The following TRABD2B variants were observed in gnomAD, a reference collection of about 807,000 sequenced individuals.
The protein encoded by TRABD2B is TraB domain containing 2B.
A neutral mutation model predicts 40.1 loss-of-function variants in TRABD2B; 14 were observed. The ratio of observed to expected loss-of-function variants is 0.35; its 90% CI spans 0.23 to 0.55. The LOEUF is 0.55. Ranked by LOEUF, TRABD2B falls within the 20% of genes least tolerant of loss-of-function variation. The probability of loss-of-function intolerance (pLI) is 0.90; values close to 1 mark genes in which losing one functional copy is unlikely to be tolerated. For synonymous variants in TRABD2B, 263 were observed against 277.0 expected (o/e 0.95, Z 0.50); for missense variants, 541 against 648.6 (o/e 0.83, Z 1.80).
At chr1:47,972,784 G>A (rs1222405017) in intron 2 of TRABD2B, among the ~76,000 whole-genome samples, 3 of 151,980 alleles carry the variant, frequency 2.0e-5, no homozygotes, top group Non-Finnish European at 2.9e-5. Flanking sequence ...CCTTTCTCTC[G>A]CTAATTCTCT....
In TRABD2B at chr1:47,813,697, C is replaced by A. The variant is rs1389054475; in HGVS notation, c.667-12078G>T. Among the ~76,000 whole-genome samples, 1 of 152,218 alleles carries A rather than the reference C, an allele frequency of 6.6e-6. No individual in the cohort carries two copies. Among genetic ancestry groups the A allele is most frequent in the Non-Finnish European group, 1.5e-5 (1 of 68,042 alleles). ...TGCCCTTCCTTAGGACACATACCCACACCCACACACACACTTTAAGAAATT... is the reference window on the plus strand; with the variant it reads ...TGCCCTTCCTTAGGACACATACCCAAACCCACACACACACTTTAAGAAATT... On this transcript the variant is annotated intron_variant, in intron 2 of 6. Coordinates refer to ENST00000606738, the MANE Select transcript of TRABD2B (RefSeq NM_001194986.2). This position sits in a 1 kb window ranked among gnomAD's most constrained non-coding sequence, Gnocchi z 4.3.
intron 2 of TRABD2B, among the ~76,000 whole-genome samples, chr1:47,855,945 G>A (rs1643885454): frequency 1.3e-5 from 2 of 152,236 alleles, no homozygotes; most frequent in African/African-American, 4.8e-5. Context: ...GTGATATTAT[G>A]TTATAGCAGC....
chr1:47,858,204 CTTTATTTTAT>C (rs201856478), intron 2 of TRABD2B, among the ~76,000 whole-genome samples: 18,066 of 134,824 alleles, frequency 0.13, 1,333 homozygotes, highest in South Asian at 0.2. Flanking sequence ...CTTTATTTTA[CTTTATTTTAT>C]TTTATTTTAT....
chr1:47,804,364 C>A, intron 2 of TRABD2B, among the ~76,000 whole-genome samples: 1 of 152,262 alleles, frequency 6.6e-6, no homozygotes, highest in East Asian at 1.9e-4. Context: ...TCCTCCCACA[C>A]GGCACATGCC....
chr1:47,925,775 T>G (rs1644961130), intron 2 of TRABD2B, among the ~76,000 whole-genome samples: 1 of 152,258 alleles, frequency 6.6e-6, no homozygotes, highest in Admixed American at 6.5e-5. Context: ...ATTATTTTGT[T>G]GAATTCTTAC....
intron 4 of TRABD2B, among the ~76,000 whole-genome samples, chr1:47,788,806 A>C (rs1032929425): frequency 7.2e-5 from 11 of 152,218 alleles, no homozygotes; most frequent in South Asian, 2.1e-4. Context: ...ACTGGTTCTC[A>C]GAGTTTGAAA....
intron 2 of TRABD2B, among the ~76,000 whole-genome samples, chr1:47,836,294 C>T (rs1325892961): frequency 2.6e-5 from 4 of 152,150 alleles, no homozygotes; most frequent in Admixed American, 6.5e-5. Flanking sequence ...ACCTATATCC[C>T]TAATAAGGTA....
intron 4 of TRABD2B, among the ~76,000 whole-genome samples, chr1:47,784,630 G>A (rs1395584013): frequency 6.6e-6 from 1 of 152,246 alleles, no homozygotes; most frequent in Non-Finnish European, 1.5e-5. Context: ...TGCCAGGACA[G>A]GCCGGCCGGA....
intron 4 of TRABD2B, among the ~76,000 whole-genome samples, chr1:47,784,156 C>T (rs761369622): frequency 3.9e-5 from 6 of 152,146 alleles, no homozygotes; most frequent in African/African-American, 7.2e-5. Flanking sequence ...AGTGAGGGGA[C>T]GTGACTCGCC....
intron 2 of TRABD2B, among the ~76,000 whole-genome samples, chr1:47,878,877 G>A (rs1180284849): frequency 6.6e-6 from 1 of 152,112 alleles, no homozygotes; most frequent in African/African-American, 2.4e-5. Flanking sequence ...TAGGAGAATT[G>A]CTTGAGTTCA....
At chr1:47,856,994 T>C (rs1399626440) in intron 2 of TRABD2B, among the ~76,000 whole-genome samples, 1 of 151,702 alleles carries the variant, frequency 6.6e-6, no homozygotes, top group Non-Finnish European at 1.5e-5. Flanking sequence ...GAATAGGAGG[T>C]TTTTTGACAG....
chr1:47,842,394 G>T (rs1236777148), intron 2 of TRABD2B, among the ~76,000 whole-genome samples: 2 of 152,052 alleles, frequency 1.3e-5, no homozygotes, highest in East Asian at 3.9e-4. Context: ...CTGTCCCCAG[G>T]CTCCCTCCTT....
At chr1:47,809,984 T>C (rs1644941161) in intron 2 of TRABD2B, among the ~76,000 whole-genome samples, 1 of 151,990 alleles carries the variant, frequency 6.6e-6, no homozygotes, top group African/African-American at 2.4e-5. Flanking sequence ...GCCCTGGAGG[T>C]ATAGGAGTGA....
rs1187991149 is a variant in TRABD2B at position 47,778,181 on chromosome 1, C to T, written c.1079+273G>A. Among the ~76,000 whole-genome samples the T allele has an allele frequency of 3.3e-5, 5 of 152,172 alleles. No individual in the cohort carries two copies. In the East Asian group the frequency reaches 9.6e-4, roughly 29 times the overall value. Reference sequence around the variant, plus strand: ...CCAGGAGTTCTACTGAGTCCCTCTACCCCCGACCCAACCCACCATCTGTAA... The same window carrying T: ...CCAGGAGTTCTACTGAGTCCCTCTATCCCCGACCCAACCCACCATCTGTAA... On this transcript the variant is annotated intron_variant, in intron 5 of 6. Transcript: ENST00000606738.
rs1646068039 is a variant in TRABD2B at position 47,994,885 on chromosome 1, A to C, written c.103-288T>G. 2.0e-5 allele frequency among the ~76,000 whole-genome samples: 3 copies of C among 152,200 alleles called. No homozygotes were observed. The South Asian group carries it at 6.2e-4, about 32-fold the overall frequency. On this transcript the variant is annotated intron_variant, in intron 1 of 6. Transcript: ENST00000606738. The surrounding 1 kb of genome is among the most constrained non-coding windows in gnomAD (Gnocchi z 6.7). ...TACCTCGGGTTGTTGGGAGGATTAA[A>C]AGATACAATATATGTATATTAAGCC...
In TRABD2B at chr1:47,799,766, A is replaced by G. The variant is rs138032237; in HGVS notation, c.813+1707T>C. 5.7e-3 allele frequency among the ~76,000 whole-genome samples: 869 copies of G among 151,984 alleles called. 9 individuals are homozygous for G. The highest frequency in any genetic ancestry group is 0.02 in the African/African-American group (818 of 41,444). On this transcript the variant is annotated intron_variant, in intron 3 of 6. Transcript: ENST00000606738. ...TTATTCCTCCCCTTGTCTATGGCCA[A>G]CTCAGGTTCTTCCATGCCCTCTCAT... is the stretch of plus-strand genomic sequence containing the variant.
chr1:47,774,765 C>T (rs1044540885), intron 6 of TRABD2B, among the ~76,000 whole-genome samples: 1 of 152,224 alleles, frequency 6.6e-6, no homozygotes, highest in African/African-American at 2.4e-5. Flanking sequence ...GCCAGGGTGT[C>T]GGCTACTCAC....
chr1:47,794,529 A>G, intron 4 of TRABD2B, 57 bp downstream of exon 4: 1 of 1,464,614 alleles, frequency 6.8e-7, no homozygotes, highest in Non-Finnish European at 9.0e-7. Context: ...GTTAGGGGAG[A>G]GCCAAGCAAA....
Position 47,801,578 on chromosome 1 carries a change from A to G in TRABD2B, c.708T>C (p.Ser236=). 3 of 1,535,756 alleles carry G rather than the reference A, an allele frequency of 2.0e-6. No homozygotes were observed. Among genetic ancestry groups the G allele is most frequent in the Non-Finnish European group, 2.6e-6 (3 of 1,146,786 alleles). The change falls in exon 3 of 7, where the codon AGT becomes AGC. Residue 236 remains serine, a synonymous_variant. Coordinates refer to ENST00000606738, the MANE Select transcript of TRABD2B (RefSeq NM_001194986.2). The part of the protein sequence containing the change: ...ALNQTLLQQE[S]VRAGSLQASY... ...AGGCCTGCAGGCTCCCGGCCCGCACACTCTCCTGCTGCAGCAGGGTTTGGT... is the reference window on the plus strand; with the variant it reads ...AGGCCTGCAGGCTCCCGGCCCGCACGCTCTCCTGCTGCAGCAGGGTTTGGT...
Sources: allele counts gnomAD v4.1 joint callset (sites outside exome capture counted in the v4.1 genomes callset), GRCh38; gene constraint gnomAD v4.1.1; non-coding constraint Gnocchi (gnomAD v3.1); transcripts MANE v1.5; gene names NCBI Gene and HGNC (gene_info 2026-07-23, HGNC 2026-07-21).